Variants in SKIL observed in about 807,000 individuals in gnomAD.
SKIL encodes ski-like protein.
SKIL carries 20 observed loss-of-function variants against 69.6 expected under a neutral mutation model. The observed-to-expected ratio is 0.29, with a 90% CI of 0.20 to 0.42. The LOEUF (loss-of-function observed/expected upper bound fraction) is 0.42, where lower values mean the gene tolerates loss of function less well. Among genes scored for constraint, SKIL ranks in the 10% least tolerant of loss-of-function variants. SKIL has a pLI of 1.00. For synonymous variants in SKIL, 310 were observed against 279.9 expected (o/e 1.11, Z -1.08); for missense variants, 745 against 783.1 (o/e 0.95, Z 0.58).
Position 170,360,858 on chromosome 3 carries a change from G to A in SKIL, c.527G>A (p.Arg176Gln). 6.2e-7 allele frequency: 1 copy of A among 1,614,042 alleles called. No homozygotes were observed. Among genetic ancestry groups the A allele is most frequent in the Non-Finnish European group, 8.5e-7 (1 of 1,179,976 alleles). The change falls in exon 2 of 7, where the codon CGA becomes CAA. Residue 176 changes from arginine to glutamine, a missense_variant. Arg to Gln is a conservative substitution (Grantham distance 43). Transcript: ENST00000259119. ...CCCCAAGTCTTAAATTCTGTTCTCC[G>A]AGAATTTACACTCCAGCAAATAAAT... ...CLPQVLNSVL[R>Q]EFTLQQINTV... is the part of the protein sequence containing the mutation.
chr3:170,374,404 AAC>A (rs1048463933), intron 2 of SKIL, among the ~76,000 whole-genome samples: 1 of 152,176 alleles, frequency 6.6e-6, no homozygotes, highest in African/African-American at 2.4e-5. Flanking sequence ...TTAAGGCTCT[AAC>A]TTAAGCTACT....
intron 4 of SKIL, among the ~76,000 whole-genome samples, chr3:170,388,555 C>T (rs1737761667): frequency 6.6e-6 from 1 of 152,180 alleles, no homozygotes; most frequent in Middle Eastern, 3.4e-3. Flanking sequence ...ACCTCAGCCT[C>T]CCAAGTAGCT....
chr3:170,364,567 C>T (rs977791691), intron 2 of SKIL, among the ~76,000 whole-genome samples: 1 of 151,940 alleles, frequency 6.6e-6, no homozygotes, highest in Admixed American at 6.6e-5. Context: ...GGTGATCCGA[C>T]CTCCTCGTCC....
intron 2 of SKIL, among the ~76,000 whole-genome samples, chr3:170,368,382 TCAAAGGCAC>T: frequency 6.6e-6 from 1 of 152,206 alleles, no homozygotes; most frequent in Non-Finnish European, 1.5e-5. Flanking sequence ...GCCTGGCATG[TCAAAGGCAC>T]TCAATTAAAT....
intron 2 of SKIL, among the ~76,000 whole-genome samples, chr3:170,379,753 C>T (rs537834548): frequency 2.8e-4 from 42 of 152,256 alleles, no homozygotes; most frequent in African/African-American, 8.7e-4. Context: ...AAGTGATTCT[C>T]CTGTCTCAGC....
chr3:170,384,198 G>C (rs1477561899), intron 3 of SKIL, among the ~76,000 whole-genome samples: 1 of 151,914 alleles, frequency 6.6e-6, no homozygotes, highest in Non-Finnish European at 1.5e-5. Context: ...AAAAAAAATG[G>C]GTATGTGTGG....
rs186635171 is a variant in SKIL, at chr3:170,376,787, G to T, written c.1099-4457G>T. Among the ~76,000 whole-genome samples, 100 of 152,010 alleles carry T rather than the reference G, an allele frequency of 6.6e-4. 2 individuals are homozygous for T. The East Asian group carries it at 0.019, about 28-fold the overall frequency. ...GATGGGGTTTTGCCTTGTTGCCCAG[G>T]CCAGTCTCAAACTCCTGAGCTGAAG... On this transcript the variant is annotated intron_variant, in intron 2 of 6. Transcript: ENST00000259119.
intron 2 of SKIL, among the ~76,000 whole-genome samples, chr3:170,366,280 A>G (rs1397411446): frequency 1.3e-5 from 2 of 152,112 alleles, no homozygotes; most frequent in Non-Finnish European, 2.9e-5. Flanking sequence ...ATACATTTTA[A>G]TGTTAATAAG....
At chr3:170,386,540 G>T (rs1397801274) in intron 4 of SKIL, among the ~76,000 whole-genome samples, 1 of 152,116 alleles carries the variant, frequency 6.6e-6, no homozygotes, top group Admixed American at 6.6e-5. Flanking sequence ...TGCATTCATA[G>T]CTCACCGCAG....
chr3:170,371,963 G>T (rs1031430496), intron 2 of SKIL, among the ~76,000 whole-genome samples: 11 of 152,174 alleles, frequency 7.2e-5, no homozygotes, highest in Non-Finnish European at 1.3e-4. Context: ...TTGAAGGCCA[G>T]AATAATCCAG....
Position 170,392,280 on chromosome 3 carries a change from T to C in SKIL, c.1918T>C (p.Leu640=), listed in dbSNP as rs1446439074. 1.9e-6 allele frequency: 3 copies of C among 1,609,622 alleles called. No homozygotes were observed. Among genetic ancestry groups the C allele is most frequent in the Non-Finnish European group, 2.5e-6 (3 of 1,178,314 alleles). Reference sequence around the variant, plus strand: ...ATAGTTGGCAGAACTGAGGCAGAGATTGGACCATGCTGAGGCCGATAGGCA... The same window carrying C: ...ATAGTTGGCAGAACTGAGGCAGAGACTGGACCATGCTGAGGCCGATAGGCA... ...AGQLAELRQR[L]DHAEADRQEL... is the part of the protein sequence containing the mutation. The change falls in exon 7 of 7, where the codon TTG becomes CTG. Residue 640 remains leucine, a synonymous_variant. Transcript: ENST00000259119.
chr3:170,377,762 G>A (rs535367236), intron 2 of SKIL, among the ~76,000 whole-genome samples: 1 of 150,628 alleles, frequency 6.6e-6, no homozygotes, highest in South Asian at 2.1e-4. Flanking sequence ...CACCATCTTG[G>A]CCAGGCTGGT....
rs937693602 is a variant in SKIL, at chr3:170,390,614, G to C, written c.1671+150G>C. The C allele has an allele frequency of 9.2e-5, 60 of 649,578 alleles. No homozygotes were observed. The African/African-American group carries it at 1.0e-3, about 11-fold the overall frequency. 40.2% of individuals were successfully genotyped at this position (649,578 alleles called of 1,614,324 possible). A position where few individuals can be genotyped will look rare whatever the true frequency, so the allele number is the denominator to read the frequency against. On this transcript the variant is annotated intron_variant, in intron 5 of 6. Transcript: ENST00000259119. Reference sequence around the variant, plus strand: ...CAATTCTTCTGCCTTAGCCTTCCGAGTAGCTAGCATTACAGGCACGTGCCA... The same window carrying C: ...CAATTCTTCTGCCTTAGCCTTCCGACTAGCTAGCATTACAGGCACGTGCCA...
At chr3:170,376,015 A>G (rs556037487) in intron 2 of SKIL, among the ~76,000 whole-genome samples, 1 of 149,248 alleles carries the variant, frequency 6.7e-6, no homozygotes, top group South Asian at 2.1e-4. Context: ...TAGAAAAGAA[A>G]TTCTCATTTA....
rs768814664 is a variant in SKIL, at chr3:170,360,362, G to A, written c.31G>A (p.Val11Ile). The A allele has an allele frequency of 5.0e-6, 8 of 1,586,952 alleles. No individual in the cohort carries two copies. The Admixed American group carries it at 5.4e-5, about 11-fold the overall frequency. ...AAACCTCCAGACAAATTTCTCCTTG[G>A]TTCAGGGCTCAACTAAAAAACTGAA... MENLQTNFSL[V>I]QGSTKKLNGM... Residue 11 changes from valine (V) to isoleucine (I), a missense_variant, in exon 2 of 7, where the codon GTT becomes ATT. Val to Ile is a conservative substitution (Grantham distance 29). Transcript: ENST00000259119.
intron 2 of SKIL, among the ~76,000 whole-genome samples, chr3:170,380,121 CT>C (rs1737256361): frequency 6.6e-6 from 1 of 152,046 alleles, no homozygotes; most frequent in Non-Finnish European, 1.5e-5. Context: ...TATAGCTCAT[CT>C]TTAAGTATTA....
At chr3:170,373,932 C>T (rs564990355) in intron 2 of SKIL, among the ~76,000 whole-genome samples, 1 of 151,992 alleles carries the variant, frequency 6.6e-6, no homozygotes, top group Admixed American at 6.6e-5. Context: ...GGTACAAATT[C>T]GAATACTTGT....
rs754739178 is a variant in SKIL at position 170,396,670 on chromosome 3, T to C, written c.*4253T>C. The C allele has an allele frequency of 5.3e-5, 8 of 152,362 alleles. No individual in the cohort carries two copies. Among genetic ancestry groups the C allele is most frequent in the Non-Finnish European group, 1.0e-4 (7 of 68,036 alleles). The allele number at this position is 152,362 out of a possible 1,614,324, so 9.4% of individuals were successfully genotyped here. A position where few individuals can be genotyped will look rare whatever the true frequency, so the allele number is the denominator to read the frequency against. ...CTAAAAATAAGACTCATGTATCTGG[T>C]CACCTAGTTTACAAATTTTGAATTA... is the stretch of plus-strand genomic sequence containing the variant. On this transcript the variant is annotated 3_prime_UTR_variant, in exon 7 of 7. Transcript: ENST00000259119.
At chr3:170,377,255 TG>T (rs1353741453) in intron 2 of SKIL, among the ~76,000 whole-genome samples, 2 of 151,678 alleles carry the variant, frequency 1.3e-5, no homozygotes, top group African/African-American at 4.8e-5. Flanking sequence ...TTTTTTTTTT[TG>T]AGATGGAGTT....
Sources: gnomAD v4.1 joint callset for allele counts (sites outside exome capture counted in the v4.1 genomes callset) on GRCh38, gnomAD v4.1.1 for gene constraint, MANE v1.5 for transcripts, NCBI Gene and HGNC (gene_info 2026-07-23, HGNC 2026-07-21) for gene names.